The following PSMG1 variants were observed in gnomAD, a reference collection of about 807,000 sequenced individuals.
PSMG1 encodes the protein Down syndrome critical region gene 2.
Under a neutral mutation model 37.2 loss-of-function variants are expected in PSMG1, and 23 were observed. The observed-to-expected ratio is 0.62, with a 90% confidence interval of 0.44 to 0.88. The LOEUF is 0.88. Ranked by LOEUF, PSMG1 falls within the 40% of genes least tolerant of loss-of-function variation. PSMG1 has a pLI of 0.00. For missense variants in PSMG1, 340 were observed against 344.2 expected (o/e 0.99, Z 0.10); for synonymous variants, 127 against 128.0 (o/e 0.99, Z 0.05).
At position 39,181,892 on chromosome 21, in the gene PSMG1, C is replaced by A. The variant is rs895913445; in HGVS notation, c.135-14G>T. ...AGCCGCACTTCCCTAACACAAGAAA[C>A]AAGATGAAACTAAAGCAACTTCAAT... On this transcript the variant is annotated splice_polypyrimidine_tract_variant and intron_variant, in intron 1 of 6. Transcript: ENST00000331573. 2.6e-6 allele frequency: 4 copies of A among 1,547,632 alleles called. No individual in the cohort carries two copies. The highest frequency in any genetic ancestry group is 3.5e-6 in the Non-Finnish European group (4 of 1,150,690).
Position 39,174,868 on chromosome 21 carries a change from T to C in PSMG1, c.*722A>G, listed in dbSNP as rs1248655828. 1.3e-5 allele frequency: 2 copies of C among 152,226 alleles called. No homozygotes were observed. The highest frequency in any genetic ancestry group is 2.9e-5 in the Non-Finnish European group (2 of 68,046). 9.4% of individuals were successfully genotyped at this position (152,226 alleles called of 1,614,324 possible). The stretch of plus-strand genomic sequence containing the variant: ...CTGCTGACACGCGCAGAGCCAGCCT[T>C]GAAAGAGAGCCCTGGGAAAGTCTGG... On this transcript the variant is annotated 3_prime_UTR_variant, in exon 7 of 7. Coordinates refer to ENST00000331573, the MANE Select transcript of PSMG1 (RefSeq NM_003720.4).
chr21:39,177,640 A>G (rs2030676646), intron 5 of PSMG1, 69 bp from the exon 6 acceptor site: 1 of 1,244,076 alleles, frequency 8.0e-7, no homozygotes, highest in African/African-American at 1.6e-5. Context: ...AAACACCTTT[A>G]AATAATAAAG....
intron 3 of PSMG1, 106 bp from the exon 4 acceptor site, chr21:39,180,092 T>C: frequency 7.6e-7 from 1 of 1,307,190 alleles, no homozygotes; most frequent in Non-Finnish European, 1.1e-6. Context: ...AATACTTATT[T>C]TCCTGGCTCC....
At chr21:39,178,427 A>G in intron 5 of PSMG1, 22 bp downstream of exon 5, 1 of 1,584,774 alleles carries the variant, frequency 6.3e-7, no homozygotes, top group Non-Finnish European at 8.7e-7. Flanking sequence ...TAGAATGTAA[A>G]TGTTACAAAT....
Position 39,178,508 on chromosome 21 carries a change from T to G in PSMG1, c.596A>C (p.Asp199Ala), listed in dbSNP as rs1375980395. 5 of 1,613,924 alleles carry G rather than the reference T, an allele frequency of 3.1e-6. No homozygotes were observed. In the East Asian group the frequency reaches 1.1e-4, roughly 36 times the overall value. ...TTCTAGCAATGGACAACACGCCGAGTCTTTGAAATTCTGTGTTTTTAGGGC... is the reference window on the plus strand; with the variant it reads ...TTCTAGCAATGGACAACACGCCGAGGCTTTGAAATTCTGTGTTTTTAGGGC... ...LRALKTQNFKDSACCPLLEQP... is the reference protein window; with the variant it reads ...LRALKTQNFKASACCPLLEQP... The change falls in exon 5 of 7, where the codon GAC becomes GCC. Residue 199 changes from aspartate (D) to alanine (A), a missense_variant. By Grantham distance (126) the Asp-to-Ala change is moderately radical. Transcript: ENST00000331573.
chr21:39,180,506 A>C (rs1289553039), intron 2 of PSMG1, 70 bp from the exon 3 acceptor site: 1 of 1,428,810 alleles, frequency 7.0e-7, no homozygotes, highest in South Asian at 1.6e-5. Flanking sequence ...ATAAAAAGTA[A>C]GCTCAAGTTA....
In PSMG1 at chr21:39,179,987, C is replaced by G. The variant is rs767978612; in HGVS notation, c.394-1G>C. Reference sequence around the variant, plus strand: ...AGCAACTGCACTGACAGAGAAAAACCTGAAAAGTCAAGTTCCACGCTTTTT... The same window carrying G: ...AGCAACTGCACTGACAGAGAAAAACGTGAAAAGTCAAGTTCCACGCTTTTT... On this transcript the variant is annotated splice_acceptor_variant, in intron 3 of 6. Coordinates refer to ENST00000331573, the MANE Select transcript of PSMG1 (RefSeq NM_003720.4). LOFTEE classifies it high-confidence loss of function. The G allele has an allele frequency of 6.2e-7, 1 of 1,611,464 alleles. No individual in the cohort carries two copies. The highest frequency in any genetic ancestry group is 1.1e-5 in the South Asian group (1 of 91,002).
At chr21:39,182,592 A>C (rs189783364) in intron 1 of PSMG1, among the ~76,000 whole-genome samples, 67 of 152,310 alleles carry the variant, frequency 4.4e-4, no homozygotes, top group African/African-American at 1.5e-3. Context: ...TATTCTGAAA[A>C]ATGTAGAGGT....
upstream of PSMG1, chr21:39,183,471 G>T (rs928025883): frequency 2.8e-6 from 4 of 1,448,904 alleles, no homozygotes; most frequent in Non-Finnish European, 1.8e-6. Context: ...TCACCGCGCG[G>T]GCAATAAGTC....
rs745407029 is a variant in PSMG1, at chr21:39,175,711, G to A, written c.793-47C>T. ...AATACAGTGAGACCCCAGGGATTCA[G>A]GCAGAGGCAACACCCCTCCCTCCAC... On this transcript the variant is annotated intron_variant, in intron 6 of 6. Coordinates refer to ENST00000331573, the MANE Select transcript of PSMG1 (RefSeq NM_003720.4). 3.2e-6 allele frequency: 4 copies of A among 1,261,860 alleles called. No homozygotes were observed. The South Asian group carries it at 3.6e-5, about 11-fold the overall frequency. The allele number at this position is 1,261,860 out of a possible 1,614,324, so 78.2% of individuals were successfully genotyped here. A position where few individuals can be genotyped will look rare whatever the true frequency, so the allele number is the denominator to read the frequency against.
chr21:39,181,664 A>T, intron 2 of PSMG1, 108 bp downstream of exon 2: 3 of 684,976 alleles, frequency 4.4e-6, no homozygotes, highest in East Asian at 3.2e-5. Context: ...CAATCACTCT[A>T]CTGTGGCTTT....
intron 2 of PSMG1, 140 bp from the exon 3 acceptor site, chr21:39,180,576 A>G (rs1018677265): frequency 3.3e-5 from 26 of 779,238 alleles, no homozygotes; most frequent in Middle Eastern, 8.1e-4. Flanking sequence ...CCACCATTAT[A>G]CAGAAAAAGA....
At chr21:39,181,681 T>C in intron 2 of PSMG1, 91 bp downstream of exon 2, 1 of 877,342 alleles carries the variant, frequency 1.1e-6, no homozygotes, top group East Asian at 2.9e-5. Context: ...CTTTTTAAAG[T>C]ACTAAACATT....
rs374405896 is a variant in PSMG1 at position 39,183,375 on chromosome 21, G to A, written c.11C>T (p.Thr4Met). 30 of 1,574,918 alleles carry A rather than the reference G, an allele frequency of 1.9e-5. No individual in the cohort carries two copies. Among genetic ancestry groups the A allele is most frequent in the Non-Finnish European group, 2.5e-5 (29 of 1,164,732 alleles). ...CGCCTTCACCACCTCTCCGAAGAAC[G>A]TGGCCGCCATAGCCGCCCCGTGACC... MAA[T>M]FFGEVVKAPC... The change falls in exon 1 of 7, where the codon ACG becomes ATG. Residue 4 changes from threonine (T) to methionine (M), a missense_variant. Thr to Met is a moderately conservative substitution (Grantham distance 81). Transcript: ENST00000331573.
Position 39,177,567 on chromosome 21 carries a change from T to TAG in PSMG1, c.658_659dup (p.Ser221Ter). ...GGATTTTCCATACTTGACAGTAGCTTAGAACTATGAATACACAAGAAAAAA... is the reference window on the plus strand; with the variant it reads ...GGATTTTCCATACTTGACAGTAGCTTAGAGAACTATGAATACACAAGAAAAAA... On this transcript the variant is annotated frameshift_variant, in exon 6 of 7. Coordinates refer to ENST00000331573, the MANE Select transcript of PSMG1 (RefSeq NM_003720.4). LOFTEE classifies it high-confidence loss of function. 3 of 1,555,842 alleles carry TAG rather than the reference T, an allele frequency of 1.9e-6. No individual in the cohort carries two copies. Among genetic ancestry groups the TAG allele is most frequent in the Non-Finnish European group, 2.6e-6 (3 of 1,156,022 alleles).
At chr21:39,177,903 T>A (rs1327380709) in intron 5 of PSMG1, among the ~76,000 whole-genome samples, 1 of 152,160 alleles carries the variant, frequency 6.6e-6, no homozygotes, top group Non-Finnish European at 1.5e-5. Flanking sequence ...AAGTGAAATA[T>A]TTAGCCACTT....
chr21:39,177,370 T>G, intron 6 of PSMG1, 65 bp downstream of exon 6: 1 of 1,385,712 alleles, frequency 7.2e-7, no homozygotes, highest in Non-Finnish European at 9.6e-7. Flanking sequence ...ACAGTATACA[T>G]TTATGTTTGT....
rs1307766251 is a variant in PSMG1, at chr21:39,183,439, G to C, written c.-54C>G. ...TGCAGCGCCGCGGGACCGCACGCCG[G>C]CTTGCGCGAGACCACGCTCCCTCAC... On this transcript the variant is annotated 5_prime_UTR_variant, in exon 1 of 7. Transcript: ENST00000331573. The C allele has an allele frequency of 4.0e-6, 6 of 1,515,436 alleles. No homozygotes were observed. The highest frequency in any genetic ancestry group is 2.8e-5 in the African/African-American group (2 of 70,248). The allele number at this position is 1,515,436 out of a possible 1,614,324, so 93.9% of individuals were successfully genotyped here.
In PSMG1 at chr21:39,183,430, C is replaced by A. The variant is rs774803695; in HGVS notation, c.-45G>T. On this transcript the variant is annotated 5_prime_UTR_variant, in exon 1 of 7. Coordinates refer to ENST00000331573, the MANE Select transcript of PSMG1 (RefSeq NM_003720.4). ...GGACACAACTGCAGCGCCGCGGGACCGCACGCCGGCTTGCGCGAGACCACG... is the reference window on the plus strand; with the variant it reads ...GGACACAACTGCAGCGCCGCGGGACAGCACGCCGGCTTGCGCGAGACCACG... The A allele has an allele frequency of 1.9e-5, 29 of 1,529,210 alleles. No individual in the cohort carries two copies. Among genetic ancestry groups the A allele is most frequent in the East Asian group, 5.1e-5 (2 of 39,026 alleles). 94.7% of individuals were successfully genotyped at this position (1,529,210 alleles called of 1,614,324 possible).
Sources: gnomAD v4.1 joint callset for allele counts (sites outside exome capture counted in the v4.1 genomes callset) on GRCh38, gnomAD v4.1.1 for gene constraint, MANE v1.5 for transcripts, NCBI Gene and HGNC (gene_info 2026-07-23, HGNC 2026-07-21) for gene names.